The following SNX9 variants were observed in gnomAD, a reference collection of about 807,000 sequenced individuals.
SNX9 encodes sorting nexin-9.
In SNX9, 44 loss-of-function variants were observed where a neutral mutation model predicts 89.4. The observed-to-expected ratio is 0.49, with a 90% CI of 0.39 to 0.63. The LOEUF is 0.63. SNX9 is among the 30% of genes least tolerant of loss of function. The pLI is 0.00. For missense variants in SNX9, 578 were observed against 736.1 expected, an observed-to-expected ratio of 0.79 and a Z score of 2.49; for synonymous variants, 236 against 247.8, an observed-to-expected ratio of 0.95 and a Z score of 0.45.
intron 2 of SNX9, among the ~76,000 whole-genome samples, chr6:157,870,032 C>A (rs367952706): frequency 4.6e-5 from 7 of 151,784 alleles, no homozygotes; most frequent in African/African-American, 1.7e-4. Flanking sequence ...TGCTCACACA[C>A]ATAGGCAGCA....
chr6:157,889,603 C>G (rs763748625), intron 4 of SNX9, among the ~76,000 whole-genome samples: 2 of 152,150 alleles, frequency 1.3e-5, no homozygotes, highest in African/African-American at 2.4e-5. Context: ...TTGACCTTTA[C>G]AGTAAAAATA....
chr6:157,867,250 C>T (rs1489114923), intron 1 of SNX9, among the ~76,000 whole-genome samples: 1 of 152,188 alleles, frequency 6.6e-6, no homozygotes, highest in Non-Finnish European at 1.5e-5. Context: ...CTGCTGCACT[C>T]AACCAAAATA....
At chr6:157,932,146 A>G in intron 12 of SNX9, 49 bp from the exon 13 acceptor site, 5 of 1,534,686 alleles carry the variant, frequency 3.3e-6, no homozygotes, top group Non-Finnish European at 9.0e-7. Context: ...GTTTAATCCC[A>G]TTTCAGTTTG....
chr6:157,841,921 C>T (rs1275466146), intron 1 of SNX9, among the ~76,000 whole-genome samples: 6 of 152,126 alleles, frequency 3.9e-5, no homozygotes, highest in Non-Finnish European at 4.4e-5. Context: ...CAGTGACACT[C>T]CCCTGTGTAC....
chr6:157,937,394 AT>A (rs1379904401), intron 14 of SNX9, 39 bp from the exon 15 acceptor site: 1 of 1,424,658 alleles, frequency 7.0e-7, no homozygotes, highest in Non-Finnish European at 9.9e-7. Flanking sequence ...GATTTTCTGA[AT>A]TTCTCTGCCA....
At chr6:157,858,354 C>G (rs148142960) in intron 1 of SNX9, among the ~76,000 whole-genome samples, 7,625 of 151,436 alleles carry the variant, frequency 0.05, 218 homozygotes, top group East Asian at 0.11. Context: ...TCAAGTGATT[C>G]TCCTGCCTCA....
chr6:157,843,711 T>C (rs1438881566), intron 1 of SNX9, among the ~76,000 whole-genome samples: 1 of 152,206 alleles, frequency 6.6e-6, no homozygotes, highest in Non-Finnish European at 1.5e-5. Flanking sequence ...CTTTGTGTAC[T>C]TCTGATTGCA....
At chr6:157,874,828 A>G (rs888943936) in intron 3 of SNX9, 1 of 419,812 alleles carries the variant, frequency 2.4e-6, no homozygotes, top group Non-Finnish European at 4.2e-6. Context: ...TAAATAATGC[A>G]TGGATCAAAG....
intron 13 of SNX9, among the ~76,000 whole-genome samples, chr6:157,932,848 CAG>C (rs1783840234): frequency 8.9e-6 from 1 of 111,972 alleles, no homozygotes; most frequent in African/African-American, 3.6e-5. Context: ...GCCTGGGTGA[CAG>C]AGCAAGACCC....
intron 4 of SNX9, among the ~76,000 whole-genome samples, chr6:157,884,473 C>T (rs1782690777): frequency 1.3e-5 from 2 of 152,078 alleles, no homozygotes; most frequent in Non-Finnish European, 2.9e-5. Context: ...ATTAGATGTG[C>T]TTATACCTTC....
intron 1 of SNX9, among the ~76,000 whole-genome samples, chr6:157,834,164 T>TG (rs1562588778): frequency 1.5e-4 from 17 of 110,388 alleles, no homozygotes; most frequent in African/African-American, 6.1e-4. Flanking sequence ...TTTTTTTTTT[T>TG]TTTTTTTTTT....
In SNX9 at chr6:157,944,419, A is replaced by G. The variant is rs1784102349; in HGVS notation, c.*1581A>G. The G allele has an allele frequency of 6.6e-6, 1 of 152,662 alleles. No individual in the cohort carries two copies. Among genetic ancestry groups the G allele is most frequent in the Non-Finnish European group, 1.5e-5 (1 of 68,036 alleles). The allele number at this position is 152,662 out of a possible 1,614,324, so 9.5% of individuals were successfully genotyped here. A position where few individuals can be genotyped will look rare whatever the true frequency, so the allele number is the denominator to read the frequency against. ...GCTATAGCCATTTAATATATGTACAAATTGTAAAGAATATGTATAAATGTT... is the reference window on the plus strand; with the variant it reads ...GCTATAGCCATTTAATATATGTACAGATTGTAAAGAATATGTATAAATGTT... On this transcript the variant is annotated 3_prime_UTR_variant, in exon 18 of 18. Transcript: ENST00000392185.
intron 4 of SNX9, among the ~76,000 whole-genome samples, chr6:157,882,375 A>G (rs561324069): frequency 1.3e-5 from 2 of 152,332 alleles, no homozygotes; most frequent in South Asian, 4.1e-4. Context: ...GATGTACATG[A>G]AGATTGATGT....
chr6:157,915,640 A>AAAAAAAAAAAAAATATATAT, intron 9 of SNX9, among the ~76,000 whole-genome samples: 1 of 95,152 alleles, frequency 1.1e-5, no homozygotes, highest in East Asian at 2.3e-4. Context: ...AAAAAAAAAA[A>AAAAAAAAAAAAAATATATAT]ATATATATAT....
chr6:157,922,836 T>C (rs1783610152), intron 10 of SNX9, among the ~76,000 whole-genome samples: 1 of 152,236 alleles, frequency 6.6e-6, no homozygotes, highest in Non-Finnish European at 1.5e-5. Flanking sequence ...CTGTGTGTCA[T>C]GTAGCTATAT....
At chr6:157,933,669 T>A (rs1290308808) in intron 13 of SNX9, among the ~76,000 whole-genome samples, 1 of 152,044 alleles carries the variant, frequency 6.6e-6, no homozygotes, top group African/African-American at 2.4e-5. Flanking sequence ...CGCCCATTGC[T>A]TAGGGAGGAG....
chr6:157,915,838 A>AAAAAAAAAAAAAAG (rs1783457335), intron 9 of SNX9, among the ~76,000 whole-genome samples: 1 of 147,448 alleles, frequency 6.8e-6, no homozygotes, highest in Admixed American at 6.7e-5. Context: ...AAAAAAAAAG[A>AAAAAAAAAAAAAAG]TTTATATGTA....
intron 14 of SNX9, among the ~76,000 whole-genome samples, 161 bp from the exon 15 acceptor site, chr6:157,937,273 C>G (rs541464700): frequency 6.6e-6 from 1 of 152,258 alleles, no homozygotes; most frequent in Admixed American, 6.5e-5. Context: ...GTATGGCAGT[C>G]TTGGGAGTTA....
At chr6:157,899,977 G>A (rs1412410748) in intron 5 of SNX9, among the ~76,000 whole-genome samples, 3 of 151,924 alleles carry the variant, frequency 2.0e-5, no homozygotes, top group African/African-American at 7.3e-5. Context: ...CCCTCAGCAG[G>A]TTTCCCAAAT....
Sources: allele counts gnomAD v4.1 joint callset (sites outside exome capture counted in the v4.1 genomes callset), GRCh38; gene constraint gnomAD v4.1.1; transcripts MANE v1.5; gene names NCBI Gene and HGNC (gene_info 2026-07-23, HGNC 2026-07-21).